Variants in FAM177B observed in about 807,000 individuals in gnomAD.
The protein encoded by FAM177B is protein FAM177B.
In FAM177B, 16 loss-of-function variants were observed where a neutral mutation model predicts 16.1. The observed-to-expected ratio is 0.99, with a 90% CI of 0.67 to 1.51. The LOEUF (loss-of-function observed/expected upper bound fraction) is 1.51. FAM177B is among the 40% of genes most tolerant of loss of function. The pLI, the probability that FAM177B is intolerant of heterozygous loss-of-function variation, is 0.00. For missense variants in FAM177B, 178 were observed against 183.7 expected, an observed-to-expected ratio of 0.97 and a Z score of 0.18; for synonymous variants, 56 against 59.9, an observed-to-expected ratio of 0.93 and a Z score of 0.30.
intron 1 of FAM177B, among the ~76,000 whole-genome samples, chr1:222,737,556 C>T (rs1004218895): frequency 6.6e-6 from 1 of 152,028 alleles, no homozygotes; most frequent in Non-Finnish European, 1.5e-5. Context: ...GAAGAAGGCC[C>T]GTGGGGTTAG....
In FAM177B at chr1:222,741,812, CTTCTTTCTTTCTTTT is replaced by C. The variant is rs560421774; in HGVS notation, c.-16+3810_-16+3824del. 2.4e-3 allele frequency among the ~76,000 whole-genome samples: 325 copies of C among 137,056 alleles called. 2 individuals carry two copies. The highest frequency in any genetic ancestry group is 3.2e-3 in the Non-Finnish European group (209 of 64,366). The allele number at this position is 137,056 out of a possible 152,430, so 89.9% of individuals were successfully genotyped here. On this transcript the variant is annotated intron_variant, in intron 2 of 5. Coordinates refer to ENST00000445590, the MANE Select transcript of FAM177B (RefSeq NM_001394345.1). Reference sequence around the variant, plus strand: ...TCTTTCTTTCTTTCTCTCTTTCTTTCTTCTTTCTTTCTTTTTTCTTTCTTTCTTTTTTCCTTCCTT... The same window carrying C: ...TCTTTCTTTCTTTCTCTCTTTCTTTCTTCTTTCTTTCTTTTTTCCTTCCTT...
intron 2 of FAM177B, among the ~76,000 whole-genome samples, chr1:222,744,425 T>C (rs902514895): frequency 5.3e-5 from 8 of 151,052 alleles, no homozygotes; most frequent in African/African-American, 2.0e-4. Flanking sequence ...TGAGCCGAGA[T>C]TGTGCCATTG....
At chr1:222,748,930 A>G (rs753652146) in intron 4 of FAM177B, 1 of 441,926 alleles carries the variant, frequency 2.3e-6, no homozygotes, top group South Asian at 1.7e-5. Flanking sequence ...TATTCATGCT[A>G]TGCCTTTATC....
chr1:222,743,992 T>A (rs1658670242), intron 2 of FAM177B, among the ~76,000 whole-genome samples: 1 of 152,124 alleles, frequency 6.6e-6, no homozygotes, highest in Admixed American at 6.6e-5. Context: ...TTCAACCCCC[T>A]GCCCCTCTCT....
chr1:222,746,668 G>A lies in FAM177B; in HGVS notation c.123G>A (p.Glu41=). ...TCATGGAAGAATATAGCACAGAGGA[G>A]GAGGAGGAAGAGGAAAAGGAGGAGC... is the stretch of plus-strand genomic sequence containing the variant. ...GDIMEEYSTE[E]EEEEEKEEQS... Residue 41 remains glutamate, a synonymous_variant, in exon 3 of 6, where the codon GAG becomes GAA. Coordinates refer to ENST00000445590, the MANE Select transcript of FAM177B (RefSeq NM_001394345.1). 1 of 1,613,698 alleles carries A rather than the reference G, an allele frequency of 6.2e-7. No individual in the cohort carries two copies. The highest frequency in any genetic ancestry group is 2.2e-5 in the East Asian group (1 of 44,854).
chr1:222,746,386 C>T (rs965402279), intron 2 of FAM177B, 145 bp from the exon 3 acceptor site: 8 of 483,564 alleles, frequency 1.7e-5, no homozygotes, highest in Non-Finnish European at 3.7e-6. Context: ...CAGAATAGAA[C>T]AGTCCTTTTT....
intron 2 of FAM177B, among the ~76,000 whole-genome samples, chr1:222,743,327 G>GTTTT (rs753007006): frequency 2.1e-5 from 3 of 142,898 alleles, no homozygotes; most frequent in African/African-American, 7.6e-5. Context: ...TTTGTGTTTT[G>GTTTT]TTTTTTTTTT....
intron 2 of FAM177B, among the ~76,000 whole-genome samples, chr1:222,742,077 A>G (rs768352966): frequency 2.0e-5 from 3 of 151,570 alleles, no homozygotes; most frequent in Non-Finnish European, 4.4e-5. Context: ...AACTGCTAGG[A>G]TTATAGGTGT....
In FAM177B at chr1:222,747,021, C is replaced by G; in HGVS notation, c.181C>G (p.Leu61Val). 1.2e-6 allele frequency: 2 copies of G among 1,608,730 alleles called. No homozygotes were observed. Among genetic ancestry groups the G allele is most frequent in the Non-Finnish European group, 1.7e-6 (2 of 1,175,076 alleles). ...CAATTTCTCCTTTTTTCAGTCTAAA[C>G]TTTCCTGGGGGCCCTACCTACGATT... ...STNSTLDPSK[L>V]SWGPYLRFWA... The change falls in exon 4 of 6, where the codon CTT (leucine) becomes GTT (valine). Residue 61 changes from leucine to valine, a missense_variant. By Grantham distance (32) the Leu-to-Val change is conservative. Coordinates refer to ENST00000445590, the MANE Select transcript of FAM177B (RefSeq NM_001394345.1).
intron 2 of FAM177B, among the ~76,000 whole-genome samples, chr1:222,745,621 G>A (rs1199287519): frequency 6.7e-6 from 1 of 148,938 alleles, no homozygotes; most frequent in Non-Finnish European, 1.5e-5. Context: ...TGTCTCTGCA[G>A]CCCCCCAAAA....
chr1:222,750,624 T>C lies in FAM177B; in HGVS notation c.*566T>C. On this transcript the variant is annotated 3_prime_UTR_variant, in exon 6 of 6. Transcript: ENST00000445590. Reference sequence around the variant, plus strand: ...GATCTTTAAGAATTAGGTACATCCCTCCAAATTAAAACAATTGATAAATAA... The same window carrying C: ...GATCTTTAAGAATTAGGTACATCCCCCCAAATTAAAACAATTGATAAATAA... 1 of 763,600 alleles carries C rather than the reference T, an allele frequency of 1.3e-6. No homozygotes were observed. The highest frequency in any genetic ancestry group is 1.6e-6 in the Non-Finnish European group (1 of 627,950). The allele number at this position is 763,600 out of a possible 1,614,324, so 47.3% of individuals were successfully genotyped here.
In FAM177B at chr1:222,749,552, T is replaced by C. The variant is rs777036351; in HGVS notation, c.329T>C (p.Ile110Thr). Residue 110 changes from isoleucine to threonine, a missense_variant, in exon 5 of 6, where the codon ATA becomes ACA. Ile to Thr is a moderately conservative substitution (Grantham distance 89, BLOSUM62 -1). Transcript: ENST00000445590. ...TATGTGTTAAACGAGTTCTATAGGA[T>C]ACAAAACAAGGTATGTGACACTCTG... ...YQYVLNEFYR[I>T]QNKKSDNKSE... The C allele has an allele frequency of 4.4e-6, 7 of 1,587,698 alleles. No individual in the cohort carries two copies. The South Asian group carries it at 5.6e-5, about 13-fold the overall frequency.
chr1:222,749,359 A>G, intron 4 of FAM177B, 106 bp from the exon 5 acceptor site: 1 of 632,072 alleles, frequency 1.6e-6, no homozygotes, highest in Non-Finnish European at 2.8e-6. Context: ...ATAGTAATAG[A>G]CCACTATTAC....
At chr1:222,738,114 C>G (rs1192986644) in intron 2 of FAM177B, 93 bp downstream of exon 2, 1 of 152,000 alleles carries the variant, frequency 6.6e-6, no homozygotes, top group African/African-American at 2.4e-5. Flanking sequence ...ATTGAGATGT[C>G]CATTAGACAA....
rs369907456 is a variant in FAM177B at position 222,741,057 on chromosome 1, C to CTTTTTTTT, written c.-16+3050_-16+3057dup. On this transcript the variant is annotated intron_variant, in intron 2 of 5. Transcript: ENST00000445590. ...TTTATTGCATCTTACTTTTTGTTTT[C>CTTTTTTTT]TTTTTTTTTTTTTTTTTTTTTGAGA... Among the ~76,000 whole-genome samples the CTTTTTTTT allele has an allele frequency of 4.0e-4, 33 of 82,184 alleles. 2 individuals are homozygous for CTTTTTTTT. Among genetic ancestry groups the CTTTTTTTT allele is most frequent in the East Asian group, 7.2e-4 (2 of 2,778 alleles). 53.9% of individuals were successfully genotyped at this position (82,184 alleles called of 152,430 possible). A position where few individuals can be genotyped will look rare whatever the true frequency, so the allele number is the denominator to read the frequency against.
At chr1:222,749,358 G>T in intron 4 of FAM177B, 107 bp from the exon 5 acceptor site, 1 of 631,128 alleles carries the variant, frequency 1.6e-6, no homozygotes, top group South Asian at 2.2e-5. Context: ...TATAGTAATA[G>T]ACCACTATTA....
intron 2 of FAM177B, among the ~76,000 whole-genome samples, chr1:222,741,785 T>TC (rs1658546690): frequency 5.4e-5 from 8 of 146,988 alleles, no homozygotes; most frequent in African/African-American, 1.8e-4. Context: ...TTTCTTTCTT[T>TC]TTCTTTCTTT....
intron 5 of FAM177B, 90 bp downstream of exon 5, chr1:222,749,652 C>T: frequency 3.7e-6 from 3 of 812,144 alleles, no homozygotes; most frequent in South Asian, 1.7e-5. Flanking sequence ...ATTTTTCCCA[C>T]CTGGTCATAT....
In FAM177B at chr1:222,746,499, T is replaced by C. The variant is rs1453550249; in HGVS notation, c.-15-32T>C. 3 of 1,303,558 alleles carry C rather than the reference T, an allele frequency of 2.3e-6. No individual in the cohort carries two copies. In the African/African-American group the frequency reaches 4.6e-5, roughly 20 times the overall value. 80.7% of individuals were successfully genotyped at this position (1,303,558 alleles called of 1,614,324 possible). A position where few individuals can be genotyped will look rare whatever the true frequency, so the allele number is the denominator to read the frequency against. ...AGATAACTCTCAGCTCTGGGTAACT[T>C]GCCCTAAGGTGCCCTGTTTTTAATT... is the stretch of plus-strand genomic sequence containing the variant. On this transcript the variant is annotated intron_variant, in intron 2 of 5. Coordinates refer to ENST00000445590, the MANE Select transcript of FAM177B (RefSeq NM_001394345.1).
Sources: gnomAD v4.1 joint callset for allele counts (sites outside exome capture counted in the v4.1 genomes callset) on GRCh38, gnomAD v4.1.1 for gene constraint, MANE v1.5 for transcripts, NCBI Gene and HGNC (gene_info 2026-07-23, HGNC 2026-07-21) for gene names.